Variants in NEBL observed in about 807,000 individuals in gnomAD.
NEBL encodes the protein nebulette.
In NEBL, 122 loss-of-function variants were observed where a neutral mutation model predicts 140.2. That is an observed-to-expected ratio of 0.87 (90% CI 0.75 to 1.01). NEBL has a LOEUF of 1.01. NEBL is among the 50% of genes least tolerant of loss of function. The pLI is 0.00. For synonymous variants in NEBL, 436 were observed against 398.9 expected (o/e 1.09, Z -1.11); for missense variants, 1,365 against 1,231.3 (o/e 1.11, Z -1.62).
At chr10:21,057,769 C>T (rs1835095343) in intron 2 of NEBL, among the ~76,000 whole-genome samples, 1 of 151,954 alleles carries the variant, frequency 6.6e-6, no homozygotes, top group Non-Finnish European at 1.5e-5. Context: ...CCATGTTGCC[C>T]AGGCTGGTCT....
At chr10:21,186,980 A>G (rs1466689225) in intron 3 of NEBL, among the ~76,000 whole-genome samples, 2 of 144,492 alleles carry the variant, frequency 1.4e-5, no homozygotes, top group African/African-American at 5.3e-5. Context: ...ACAGAGGGCC[A>G]ACTCTGTATG....
intron 17 of NEBL, 67 bp downstream of exon 17, chr10:20,828,462 GA>G (rs1267787595): frequency 9.7e-7 from 1 of 1,034,752 alleles, no homozygotes; most frequent in African/African-American, 1.6e-5. Flanking sequence ...AGACAATGAG[GA>G]AAAAAGACCA....
intron 4 of NEBL, among the ~76,000 whole-genome samples, chr10:20,914,203 C>A (rs12259450): frequency 0.059 from 9,045 of 152,214 alleles, 375 homozygotes; most frequent in Admixed American, 0.13. Flanking sequence ...GTGGATAATT[C>A]GATGTCAGTA....
chr10:21,157,453 C>G lies in NEBL; in HGVS notation c.164+14930G>C, dbSNP rs1039343055. ...GGTATGGTGGCACGTGCCTGAAAGT[C>G]CCAGCTACTCAGGAGGCTGAGGTGG... On this transcript the variant is annotated intron_variant, in intron 2 of 6. Coordinates refer to the NEBL transcript ENST00000417816. Among the ~76,000 whole-genome samples, 5 of 152,086 alleles carry G rather than the reference C, an allele frequency of 3.3e-5. No individual in the cohort carries two copies. The East Asian group carries it at 5.8e-4, about 18-fold the overall frequency.
chr10:21,255,092 A>G (rs746867088), intron 1 of NEBL, among the ~76,000 whole-genome samples: 4 of 152,100 alleles, frequency 2.6e-5, no homozygotes, highest in Non-Finnish European at 4.4e-5. Flanking sequence ...GGCCCCAAAC[A>G]AAGCTGCTTG....
intron 4 of NEBL, among the ~76,000 whole-genome samples, chr10:20,884,048 T>C (rs1846244721): frequency 6.6e-6 from 1 of 152,204 alleles, no homozygotes; most frequent in African/African-American, 2.4e-5. Context: ...CTTCATACTT[T>C]GAGAACTGAG....
upstream of NEBL, chr10:20,899,517 G>GAA (rs1270788870): frequency 6.8e-6 from 6 of 877,918 alleles, no homozygotes; most frequent in African/African-American, 1.1e-4. Flanking sequence ...AACACCACGT[G>GAA]CAATGTGAAC....
At chr10:21,236,691 A>G (rs997348797) in intron 3 of NEBL, among the ~76,000 whole-genome samples, 2 of 152,092 alleles carry the variant, frequency 1.3e-5, no homozygotes, top group Non-Finnish European at 2.9e-5. Flanking sequence ...AGATTTCCCC[A>G]TGGCCTATCA....
chr10:20,965,059 A>C (rs1204769439), intron 3 of NEBL, among the ~76,000 whole-genome samples: 1 of 152,228 alleles, frequency 6.6e-6, no homozygotes, highest in African/African-American at 2.4e-5. Context: ...GTAATAGTTT[A>C]GATCAACAGC....
intron 2 of NEBL, among the ~76,000 whole-genome samples, chr10:21,148,595 A>C (rs1263850033): frequency 6.6e-6 from 1 of 152,028 alleles, no homozygotes; most frequent in African/African-American, 2.4e-5. Context: ...GCGTGATCTC[A>C]GCTCACTGCA....
At chr10:21,089,897 G>A (rs1369583214) in intron 2 of NEBL, among the ~76,000 whole-genome samples, 2 of 152,146 alleles carry the variant, frequency 1.3e-5, no homozygotes, top group Non-Finnish European at 2.9e-5. Flanking sequence ...TTGTAGCACT[G>A]TGCCTTCTTT....
chr10:20,869,095 C>T (rs1297382209), intron 6 of NEBL, among the ~76,000 whole-genome samples: 1 of 150,754 alleles, frequency 6.6e-6, no homozygotes, highest in Non-Finnish European at 1.5e-5. Flanking sequence ...ATATAGGTAG[C>T]TTTTATAGTT....
At chr10:21,076,313 T>G (rs1564502481) in intron 2 of NEBL, among the ~76,000 whole-genome samples, 2 of 151,294 alleles carry the variant, frequency 1.3e-5, no homozygotes, top group Non-Finnish European at 3.0e-5. Context: ...GGCATGGTGG[T>G]GCACACCTGT....
intron 3 of NEBL, among the ~76,000 whole-genome samples, chr10:20,981,352 A>G (rs542283775): frequency 6.6e-6 from 1 of 152,188 alleles, no homozygotes; most frequent in Non-Finnish European, 1.5e-5. Context: ...AACACAGGAA[A>G]ATTATTTATC....
chr10:21,216,386 T>G (rs1447293007), intron 3 of NEBL, among the ~76,000 whole-genome samples: 1 of 152,188 alleles, frequency 6.6e-6, no homozygotes, highest in African/African-American at 2.4e-5. Context: ...CCGGGTGCAG[T>G]ATCTCATGCC....
chr10:20,888,973 A>T (rs1846786523), intron 3 of NEBL, among the ~76,000 whole-genome samples: 1 of 152,186 alleles, frequency 6.6e-6, no homozygotes, highest in African/African-American at 2.4e-5. Flanking sequence ...TTGAGCACAG[A>T]TCCTGTGCTA....
intron 2 of NEBL, among the ~76,000 whole-genome samples, chr10:21,075,954 G>A (rs1484989287): frequency 2.6e-5 from 4 of 152,110 alleles, no homozygotes; most frequent in Admixed American, 6.5e-5. Context: ...GAATCATTAG[G>A]GAAATGCAAA....
At chr10:21,125,948 C>T (rs772509589) in intron 2 of NEBL, 2 of 1,614,152 alleles carry the variant, frequency 1.2e-6, no homozygotes, top group Non-Finnish European at 1.7e-6. Context: ...GGGGACTTGG[C>T]CCAGTTGCCT....
intron 4 of NEBL, among the ~76,000 whole-genome samples, chr10:20,933,410 G>A (rs1039434788): frequency 6.6e-6 from 1 of 152,160 alleles, no homozygotes; most frequent in Non-Finnish European, 1.5e-5. Flanking sequence ...CTCACTCTCA[G>A]GAGTGGCAGG....
Sources: allele counts gnomAD v4.1 joint callset (sites outside exome capture counted in the v4.1 genomes callset), GRCh38; gene constraint gnomAD v4.1.1; transcripts MANE v1.5; gene names NCBI Gene and HGNC (gene_info 2026-07-23, HGNC 2026-07-21).